LIPT2: variants seen among roughly 807,000 people sequenced by gnomAD.
LIPT2 encodes the protein lipoyl(octanoyl) transferase 2.
In LIPT2, 16 loss-of-function variants were observed where a neutral mutation model predicts 16.2. The ratio of observed to expected loss-of-function variants is 0.99; its 90% confidence interval spans 0.67 to 1.50. The LOEUF (loss-of-function observed/expected upper bound fraction) is 1.50, where lower values mean the gene tolerates loss of function less well. Among genes scored for constraint, LIPT2 ranks in the 40% most tolerant of loss-of-function variants. The pLI is 0.00. For missense variants in LIPT2, 424 were observed against 347.7 expected, an observed-to-expected ratio of 1.22 and a Z score of -1.75; for synonymous variants, 199 against 169.3, an observed-to-expected ratio of 1.18 and a Z score of -1.36.
rs1193668796 is a variant in LIPT2, at chr11:74,493,545, C to T, written c.159G>A (p.Ala53=). 2 of 1,423,096 alleles carry T rather than the reference C, an allele frequency of 1.4e-6. No individual in the cohort carries two copies. Among genetic ancestry groups the T allele is most frequent in the African/African-American group, 3.0e-5 (2 of 66,682 alleles). 88.2% of individuals were successfully genotyped at this position (1,423,096 alleles called of 1,614,324 possible). ...EAGALLLCEP[A]GPVYTAGLRG... is the part of the protein sequence containing the mutation. ...GCAGCCCGGCCGTATACACGGGCCC[C>T]GCGGGCTCGCAGAGCAGGAGCGCGC... Residue 53 remains alanine, a synonymous_variant, in exon 1 of 2, where the codon GCG becomes GCA. Coordinates refer to ENST00000310109, the MANE Select transcript of LIPT2 (RefSeq NM_001144869.3).
chr11:74,492,696 G>C (rs1333323982), intron 1 of LIPT2, among the ~76,000 whole-genome samples: 1 of 151,928 alleles, frequency 6.6e-6, no homozygotes, highest in Non-Finnish European at 1.5e-5. Flanking sequence ...ACGAGGTCAG[G>C]AGATCGTGAC....
In LIPT2 at chr11:74,493,564, A is replaced by G; in HGVS notation, c.140T>C (p.Leu47Pro). 1.4e-6 allele frequency: 2 copies of G among 1,437,158 alleles called. No homozygotes were observed. The highest frequency in any genetic ancestry group is 2.8e-5 in the South Asian group (2 of 72,094). The allele number at this position is 1,437,158 out of a possible 1,614,324, so 89.0% of individuals were successfully genotyped here. The change falls in exon 1 of 2, where the codon CTC becomes CCC. Residue 47 changes from leucine to proline, a missense_variant. Coordinates refer to ENST00000310109, the MANE Select transcript of LIPT2 (RefSeq NM_001144869.3). Reference protein sequence around the residue: ...EAPSGTEAGALLLCEPAGPVY... With the variant: ...EAPSGTEAGAPLLCEPAGPVY... The stretch of plus-strand genomic sequence containing the variant: ...GGGCCCCGCGGGCTCGCAGAGCAGG[A>G]GCGCGCCCGCCTCAGTCCCCGACGG...
Position 74,493,599 on chromosome 11 carries a change from G to A in LIPT2, c.105C>T (p.Gly35=), listed in dbSNP as rs1039799125. Residue 35 remains glycine (G), a synonymous_variant, in exon 1 of 2, where the codon GGC becomes GGT. Coordinates refer to ENST00000310109, the MANE Select transcript of LIPT2 (RefSeq NM_001144869.3). ...RWLRRLQAEP[G]IEAPSGTEAG... ...CCTCAGTCCCCGACGGGGCCTCAAT[G>A]CCTGGCTCGGCCTGCAGCCGCCGCA... 63 of 1,455,068 alleles carry A rather than the reference G, an allele frequency of 4.3e-5. No individual in the cohort carries two copies. Among genetic ancestry groups the A allele is most frequent in the Non-Finnish European group, 5.1e-5 (57 of 1,109,044 alleles). 90.1% of individuals were successfully genotyped at this position (1,455,068 alleles called of 1,614,324 possible). A position where few individuals can be genotyped will look rare whatever the true frequency, so the allele number is the denominator to read the frequency against.
rs1216392947 is a variant in LIPT2, at chr11:74,491,865, T to G, written c.*270A>C. On this transcript the variant is annotated 3_prime_UTR_variant, in exon 2 of 2. Transcript: ENST00000310109. Reference sequence around the variant, plus strand: ...ACAATCTATGACATCTGAATTTCTCTGAGACACTGCTGTCAATAGCAGTGC... The same window carrying G: ...ACAATCTATGACATCTGAATTTCTCGGAGACACTGCTGTCAATAGCAGTGC... 2.4e-6 allele frequency: 1 copy of G among 416,714 alleles called. No individual in the cohort carries two copies. The highest frequency in any genetic ancestry group is 4.3e-5 in the East Asian group (1 of 23,160). 25.8% of individuals were successfully genotyped at this position (416,714 alleles called of 1,614,324 possible). A position where few individuals can be genotyped will look rare whatever the true frequency, so the allele number is the denominator to read the frequency against.
At position 74,492,063 on chromosome 11, in the gene LIPT2, G is replaced by A. The variant is rs1864347487; in HGVS notation, c.*72C>T. ...ATGACAGGCCAGGTCTAAAATCTGG[G>A]TTTCAGTAGGTGACTCAAGTCAGAC... On this transcript the variant is annotated 3_prime_UTR_variant, in exon 2 of 2. Transcript: ENST00000310109. 1.2e-5 allele frequency: 14 copies of A among 1,207,216 alleles called. No individual in the cohort carries two copies. In the South Asian group the frequency reaches 1.6e-4, roughly 14 times the overall value. The allele number at this position is 1,207,216 out of a possible 1,614,324, so 74.8% of individuals were successfully genotyped here.
In LIPT2 at chr11:74,493,659, C is replaced by G. The variant is rs1007121292; in HGVS notation, c.45G>C (p.Pro15=). The change falls in exon 1 of 2, where the codon CCG becomes CCC. Residue 15 remains proline (P), a synonymous_variant. Transcript: ENST00000310109. ...AVRLVRLGRV[P]YAELLGLQDR... is the part of the protein sequence containing the mutation. ...CCTGCAGCCCCAGTAGCTCGGCGTA[C>G]GGCACCCGACCCAGGCGCACCAACC... 1.7e-5 allele frequency: 25 copies of G among 1,441,780 alleles called. No individual in the cohort carries two copies. Among genetic ancestry groups the G allele is most frequent in the Non-Finnish European group, 2.1e-5 (23 of 1,104,096 alleles). The allele number at this position is 1,441,780 out of a possible 1,614,324, so 89.3% of individuals were successfully genotyped here.
At position 74,493,390 on chromosome 11, in the gene LIPT2, AGGT is replaced by A. The variant is rs1475737376; in HGVS notation, c.311_313del (p.Asp104_Leu105delinsVal). 4.0e-6 allele frequency: 6 copies of A among 1,515,072 alleles called. No individual in the cohort carries two copies. Among genetic ancestry groups the A allele is most frequent in the Non-Finnish European group, 5.3e-6 (6 of 1,138,748 alleles). 93.9% of individuals were successfully genotyped at this position (1,515,072 alleles called of 1,614,324 possible). ...GCGCAAGCGCAGGCCGAGACGCCGC[AGGT>A]CGAGTACCGGGTGGCAAAGCAGCTG... On this transcript the variant is annotated inframe_deletion, in exon 1 of 2. Transcript: ENST00000310109.
Position 74,493,698 on chromosome 11 carries a change from C to A in LIPT2, c.6G>T (p.Arg2=), listed in dbSNP as rs1864415140. Reference sequence around the variant, plus strand: ...GGCGCACCAACCGAACGGCGGGTTGCCGCATCGTGCCCACCGTTGCGTCCG... The same window carrying A: ...GGCGCACCAACCGAACGGCGGGTTGACGCATCGTGCCCACCGTTGCGTCCG... The part of the protein sequence containing the change: M[R]QPAVRLVRLG... The change falls in exon 1 of 2, where the codon CGG becomes CGT. Residue 2 remains arginine (R), a synonymous_variant. Transcript: ENST00000310109. 16 of 1,377,456 alleles carry A rather than the reference C, an allele frequency of 1.2e-5. No individual in the cohort carries two copies. Among genetic ancestry groups the A allele is most frequent in the Non-Finnish European group, 1.4e-5 (15 of 1,071,420 alleles). The allele number at this position is 1,377,456 out of a possible 1,614,324, so 85.3% of individuals were successfully genotyped here.
chr11:74,493,502 C>G lies in LIPT2; in HGVS notation c.202G>C (p.Glu68Gln). ...AAGGCCCGTAGCCGCGCAGTTTCCT[C>G]GGGCGTCAGGCCGCCGCGCAGCCCG... The part of the protein sequence containing the change: ...TAGLRGGLTP[E>Q]ETARLRALGA... The change falls in exon 1 of 2, where the codon GAG (glutamate) becomes CAG (glutamine). Residue 68 changes from glutamate (E) to glutamine (Q), a missense_variant. Coordinates refer to ENST00000310109, the MANE Select transcript of LIPT2 (RefSeq NM_001144869.3). 8.4e-6 allele frequency: 12 copies of G among 1,435,704 alleles called. No individual in the cohort carries two copies. The highest frequency in any genetic ancestry group is 1.1e-5 in the Non-Finnish European group (12 of 1,100,476). The allele number at this position is 1,435,704 out of a possible 1,614,324, so 88.9% of individuals were successfully genotyped here. A position where few individuals can be genotyped will look rare whatever the true frequency, so the allele number is the denominator to read the frequency against.
At chr11:74,492,484 GA>G in intron 1 of LIPT2, 120 bp from the exon 2 acceptor site, 1 of 673,188 alleles carries the variant, frequency 1.5e-6, no homozygotes, top group Non-Finnish European at 2.6e-6. Flanking sequence ...TGTTTCTGGA[GA>G]AACAAGGGAT....
At position 74,492,043 on chromosome 11, in the gene LIPT2, A is replaced by G; in HGVS notation, c.*92T>C. 1 of 862,430 alleles carries G rather than the reference A, an allele frequency of 1.2e-6. No individual in the cohort carries two copies. The highest frequency in any genetic ancestry group is 1.9e-6 in the Non-Finnish European group (1 of 531,660). The allele number at this position is 862,430 out of a possible 1,614,324, so 53.4% of individuals were successfully genotyped here. A position where few individuals can be genotyped will look rare whatever the true frequency, so the allele number is the denominator to read the frequency against. On this transcript the variant is annotated 3_prime_UTR_variant, in exon 2 of 2. Transcript: ENST00000310109. ...CTTAGTTTCATGATCAGTGAATGACAGGCCAGGTCTAAAATCTGGGTTTCA... is the reference window on the plus strand; with the variant it reads ...CTTAGTTTCATGATCAGTGAATGACGGGCCAGGTCTAAAATCTGGGTTTCA...
In LIPT2 at chr11:74,492,224, C is replaced by G. The variant is rs1420082518; in HGVS notation, c.607G>C (p.Val203Leu). The G allele has an allele frequency of 6.4e-7, 1 of 1,551,696 alleles. No individual in the cohort carries two copies. Among genetic ancestry groups the G allele is most frequent in the Non-Finnish European group, 8.7e-7 (1 of 1,146,990 alleles). ...GGTGGCATTACTTCTTCCACGGTGA[C>G]GTGCCTCTGGAGCTCCTTACTCAAG... ...TSLSKELQRH[V>L]TVEEVMPPFL... The change falls in exon 2 of 2, where the codon GTC (valine) becomes CTC (leucine). Residue 203 changes from valine (V) to leucine (L), a missense_variant. By Grantham distance (32) the Val-to-Leu change is conservative. Transcript: ENST00000310109.
Position 74,493,341 on chromosome 11 carries a change from C to G in LIPT2, c.363G>C (p.Ala121=). The change falls in exon 1 of 2, where the codon GCG becomes GCC. Residue 121 remains alanine, a synonymous_variant. Coordinates refer to ENST00000310109, the MANE Select transcript of LIPT2 (RefSeq NM_001144869.3). ...RLRMHVASLE[A]CAVRLCELQG... ...GGAGCTCGCACAGGCGCACGGCGCA[C>G]GCCTCCAGCGACGCTACGTGCATGC... 6.7e-7 allele frequency: 1 copy of G among 1,498,512 alleles called. No individual in the cohort carries two copies. The highest frequency in any genetic ancestry group is 8.8e-7 in the Non-Finnish European group (1 of 1,130,132). 92.8% of individuals were successfully genotyped at this position (1,498,512 alleles called of 1,614,324 possible).
rs1377655844 is a variant in LIPT2 at position 74,493,647 on chromosome 11, T to C, written c.57A>G (p.Leu19=). The C allele has an allele frequency of 3.4e-6, 5 of 1,454,358 alleles. No individual in the cohort carries two copies. Among genetic ancestry groups the C allele is most frequent in the Non-Finnish European group, 4.5e-6 (5 of 1,109,960 alleles). The allele number at this position is 1,454,358 out of a possible 1,614,324, so 90.1% of individuals were successfully genotyped here. Residue 19 remains leucine (L), a synonymous_variant, in exon 1 of 2, where the codon CTA becomes CTG. Coordinates refer to ENST00000310109, the MANE Select transcript of LIPT2 (RefSeq NM_001144869.3). ...VRLGRVPYAE[L]LGLQDRWLRR... is the part of the protein sequence containing the mutation. ...GCAGCCAGCGGTCCTGCAGCCCCAG[T>C]AGCTCGGCGTACGGCACCCGACCCA... is the stretch of plus-strand genomic sequence containing the variant.
At chr11:74,492,412 G>A (rs759358803) in intron 1 of LIPT2, 48 bp from the exon 2 acceptor site, 4 of 1,258,228 alleles carry the variant, frequency 3.2e-6, no homozygotes, top group Non-Finnish European at 4.5e-6. Context: ...TCCACTCTCC[G>A]GGCTTTGGTG....
In LIPT2 at chr11:74,493,582, C is replaced by T. The variant is rs1864406232; in HGVS notation, c.122G>A (p.Gly41Glu). ...QAEPGIEAPSGTEAGALLLCE... is the reference protein window; with the variant it reads ...QAEPGIEAPSETEAGALLLCE... ...GAGCAGGAGCGCGCCCGCCTCAGTC[C>T]CCGACGGGGCCTCAATGCCTGGCTC... The change falls in exon 1 of 2, where the codon GGG (glycine) becomes GAG (glutamate). Residue 41 changes from glycine to glutamate, a missense_variant. Physicochemically the swap from Gly to Glu is moderately conservative, Grantham distance 98 (BLOSUM62 -2). Coordinates refer to ENST00000310109, the MANE Select transcript of LIPT2 (RefSeq NM_001144869.3). 2 of 1,451,166 alleles carry T rather than the reference C, an allele frequency of 1.4e-6. No individual in the cohort carries two copies. The highest frequency in any genetic ancestry group is 1.8e-6 in the Non-Finnish European group (2 of 1,107,196). 89.9% of individuals were successfully genotyped at this position (1,451,166 alleles called of 1,614,324 possible). A position where few individuals can be genotyped will look rare whatever the true frequency, so the allele number is the denominator to read the frequency against.
At position 74,490,752 on chromosome 11, in the gene LIPT2, T is replaced by G. The variant is rs1864320181; in HGVS notation, c.*1383A>C. ...TAACATCACCCATTTCTTTTACCTT[T>G]TTAACATGGATCCTAGAAAATGTCA... is the stretch of plus-strand genomic sequence containing the variant. On this transcript the variant is annotated 3_prime_UTR_variant, in exon 2 of 2. Coordinates refer to ENST00000310109, the MANE Select transcript of LIPT2 (RefSeq NM_001144869.3). 6.6e-6 allele frequency among the ~76,000 whole-genome samples: 1 copy of G among 152,210 alleles called. No homozygotes were observed. The highest frequency in any genetic ancestry group is 2.1e-4 in the South Asian group (1 of 4,826).
chr11:74,493,498 T>G lies in LIPT2; in HGVS notation c.206A>C (p.Glu69Ala), dbSNP rs1864402259. The change falls in exon 1 of 2, where the codon GAA becomes GCA. Residue 69 changes from glutamate to alanine, a missense_variant. Glu to Ala is a moderately radical substitution (Grantham distance 107, BLOSUM62 -1). Transcript: ENST00000310109. ...AGLRGGLTPE[E>A]TARLRALGAE... ...GCCCAAGGCCCGTAGCCGCGCAGTT[T>G]CCTCGGGCGTCAGGCCGCCGCGCAG... 1.4e-5 allele frequency: 20 copies of G among 1,437,168 alleles called. No homozygotes were observed. Among genetic ancestry groups the G allele is most frequent in the South Asian group, 2.8e-5 (2 of 72,302 alleles). The allele number at this position is 1,437,168 out of a possible 1,614,324, so 89.0% of individuals were successfully genotyped here.
In LIPT2 at chr11:74,490,982, C is replaced by T. The variant is rs1379464944; in HGVS notation, c.*1153G>A. 6.6e-6 allele frequency among the ~76,000 whole-genome samples: 1 copy of T among 152,180 alleles called. No individual in the cohort carries two copies. Among genetic ancestry groups the T allele is most frequent in the Admixed American group, 6.5e-5 (1 of 15,282 alleles). ...CTAATAATCCTCACCTTCTGTTGCCCTAGTGCAGTCCCTTCCACACTGAAC... is the reference window on the plus strand; with the variant it reads ...CTAATAATCCTCACCTTCTGTTGCCTTAGTGCAGTCCCTTCCACACTGAAC... On this transcript the variant is annotated 3_prime_UTR_variant, in exon 2 of 2. Coordinates refer to ENST00000310109, the MANE Select transcript of LIPT2 (RefSeq NM_001144869.3).
Sources: allele counts gnomAD v4.1 joint callset (sites outside exome capture counted in the v4.1 genomes callset), GRCh38; gene constraint gnomAD v4.1.1; transcripts MANE v1.5; gene names NCBI Gene and HGNC (gene_info 2026-07-23, HGNC 2026-07-21).